MAST2: variants seen among roughly 807,000 people sequenced by gnomAD.
MAST2 encodes microtubule associated serine/threonine kinase 2.
A neutral mutation model predicts 147.4 loss-of-function variants in MAST2; 70 were observed. The ratio of observed to expected loss-of-function variants is 0.47; its 90% CI spans 0.39 to 0.58. The LOEUF is 0.58. MAST2 is among the 20% of genes least tolerant of loss of function. The pLI is 0.00. For missense variants in MAST2, 2,080 were observed against 2,302.3 expected (o/e 0.90, Z 1.98); for synonymous variants, 869 against 896.8 (o/e 0.97, Z 0.55).
At chr1:45,942,976 T>C (rs1657523561) in intron 4 of MAST2, among the ~76,000 whole-genome samples, 1 of 152,148 alleles carries the variant, frequency 6.6e-6, no homozygotes, top group African/African-American at 2.4e-5. Context: ...CAAGATTCAG[T>C]GTCAGTGTAT....
chr1:45,981,141 G>A lies in MAST2; in HGVS notation c.593-16583G>A, dbSNP rs950661101. On this transcript the variant is annotated intron_variant, in intron 5 of 28. Coordinates refer to ENST00000361297, the MANE Select transcript of MAST2 (RefSeq NM_015112.3). ...GGCTGGAGTGCAGTGACGCGATCTC[G>A]GCTCACTACAACCTCTGCCTCCCAT... Among the ~76,000 whole-genome samples, 9 of 151,830 alleles carry A rather than the reference G, an allele frequency of 5.9e-5. No individual in the cohort carries two copies. The East Asian group carries it at 7.7e-4, about 13-fold the overall frequency.
chr1:46,015,979 G>T (rs2149261541), intron 10 of MAST2, among the ~76,000 whole-genome samples: 1 of 152,254 alleles, frequency 6.6e-6, no homozygotes, highest in African/African-American at 2.4e-5. Flanking sequence ...TATCCACCAT[G>T]ATCAAGTGGG....
chr1:45,964,578 TTTA>T (rs1195313723), intron 5 of MAST2, among the ~76,000 whole-genome samples: 2 of 152,220 alleles, frequency 1.3e-5, no homozygotes, highest in Non-Finnish European at 2.9e-5. Context: ...TTTATCATTT[TTTA>T]TTGTGTCTAT....
chr1:45,846,358 T>C (rs1438639387), intron 3 of MAST2, among the ~76,000 whole-genome samples: 2 of 152,148 alleles, frequency 1.3e-5, no homozygotes, highest in Non-Finnish European at 2.9e-5. Flanking sequence ...TTTCACAAAA[T>C]GTGAAATTAG....
rs761552262 is a variant in MAST2 at position 46,034,127 on chromosome 1, C to T, written c.3729C>T (p.His1243=). 5.6e-6 allele frequency: 9 copies of T among 1,614,144 alleles called. No individual in the cohort carries two copies. The highest frequency in any genetic ancestry group is 1.3e-5 in the African/African-American group (1 of 75,038). ...TCACCAAGCAAGCATCCCTGCTCCA[C>T]ACCAGCCGCAGCCTTTCTTCCCTTA... ...RKITKQASLL[H]TSRSLSSLNR... The change falls in exon 28 of 29, where the codon CAC becomes CAT. Residue 1243 remains histidine (H), a synonymous_variant. Transcript: ENST00000361297.
chr1:46,026,412 A>C (rs1646413015), intron 16 of MAST2, among the ~76,000 whole-genome samples: 1 of 152,160 alleles, frequency 6.6e-6, no homozygotes, highest in East Asian at 1.9e-4. Context: ...CTAGAGAGAG[A>C]GGCAGGAACT....
intron 4 of MAST2, among the ~76,000 whole-genome samples, chr1:45,882,674 C>A (rs1646902425): frequency 1.3e-5 from 2 of 152,194 alleles, no homozygotes; most frequent in Non-Finnish European, 2.9e-5. Context: ...CAGTCTTATA[C>A]TTGTGCTTTG....
chr1:45,986,497 C>T (rs1375344113), intron 5 of MAST2, among the ~76,000 whole-genome samples: 1 of 152,036 alleles, frequency 6.6e-6, no homozygotes, highest in Non-Finnish European at 1.5e-5. Flanking sequence ...GGGCGGATCA[C>T]GAGGTTAGGA....
chr1:46,029,348 AG>A (rs1328863248), intron 18 of MAST2, 117 bp from the exon 19 acceptor site: 14 of 738,420 alleles, frequency 1.9e-5, no homozygotes, highest in Non-Finnish European at 3.1e-5. Context: ...CAAGGCTTTC[AG>A]GGGCTCCAGG....
At chr1:45,959,648 G>C (rs902458367) in intron 5 of MAST2, among the ~76,000 whole-genome samples, 171 bp downstream of exon 5, 3 of 152,230 alleles carry the variant, frequency 2.0e-5, no homozygotes, top group African/African-American at 7.2e-5. Flanking sequence ...GAGTTAGCCT[G>C]CTTTTGACTC....
intron 3 of MAST2, among the ~76,000 whole-genome samples, chr1:45,839,308 T>C (rs1645202616): frequency 6.6e-6 from 1 of 152,060 alleles, no homozygotes; most frequent in Non-Finnish European, 1.5e-5. Flanking sequence ...TTTGGTATTT[T>C]TAGTAGGGAT....
chr1:45,994,536 C>G (rs1258305730), intron 5 of MAST2, among the ~76,000 whole-genome samples: 1 of 152,040 alleles, frequency 6.6e-6, no homozygotes, highest in Admixed American at 6.5e-5. Context: ...ATCTGCCTGC[C>G]TCGGCCTCCC....
chr1:45,880,357 T>A (rs141547712), intron 3 of MAST2, among the ~76,000 whole-genome samples: 9 of 152,330 alleles, frequency 5.9e-5, no homozygotes, highest in African/African-American at 2.2e-4. Flanking sequence ...AAAAGTAATC[T>A]GTGGTGACAT....
At chr1:45,804,536 A>G (rs555292715) in intron 1 of MAST2, among the ~76,000 whole-genome samples, 1 of 152,308 alleles carries the variant, frequency 6.6e-6, no homozygotes, top group South Asian at 2.1e-4. Context: ...ATACTTTTGT[A>G]CCAGTGTGTT....
At chr1:45,995,333 C>T (rs914699575) in intron 5 of MAST2, among the ~76,000 whole-genome samples, 5 of 152,114 alleles carry the variant, frequency 3.3e-5, no homozygotes, top group African/African-American at 1.2e-4. Flanking sequence ...ACTGGGTATT[C>T]TTTGATGTAC....
Position 45,885,200 on chromosome 1 carries a change from G to A in MAST2, c.500+2805G>A, listed in dbSNP as rs529015876. Among the ~76,000 whole-genome samples the A allele has an allele frequency of 3.9e-4, 60 of 152,242 alleles. 1 individual carries two copies. In the South Asian group the frequency reaches 0.012, roughly 30 times the overall value. ...GTCATTTAAGTCTTGGTCAGAAGGA[G>A]GGGGCATCATATTTGTGTCCCTGTT... On this transcript the variant is annotated intron_variant, in intron 4 of 28. Transcript: ENST00000361297.
chr1:45,878,979 G>A (rs577957994), intron 3 of MAST2, among the ~76,000 whole-genome samples: 2 of 149,036 alleles, frequency 1.3e-5, no homozygotes, highest in South Asian at 2.1e-4. Flanking sequence ...AATTCAAATC[G>A]AAATGCAAGA....
intron 5 of MAST2, among the ~76,000 whole-genome samples, chr1:45,966,861 C>CTTTTT (rs58072402): frequency 2.7e-5 from 3 of 111,092 alleles, no homozygotes; most frequent in East Asian, 2.7e-4. Flanking sequence ...GGATCTGGGT[C>CTTTTT]TTTTTTTTTT....
chr1:45,945,421 T>C (rs1218307545), intron 4 of MAST2, among the ~76,000 whole-genome samples: 1 of 152,154 alleles, frequency 6.6e-6, no homozygotes, highest in African/African-American at 2.4e-5. Context: ...ACCATAAAAA[T>C]GACCATGATG....
Sources: allele counts gnomAD v4.1 joint callset (sites outside exome capture counted in the v4.1 genomes callset), GRCh38; gene constraint gnomAD v4.1.1; transcripts MANE v1.5; gene names NCBI Gene and HGNC (gene_info 2026-07-23, HGNC 2026-07-21).